Variants in APBB1IP observed in about 807,000 individuals in gnomAD.
The protein encoded by APBB1IP is amyloid beta precursor protein binding family B member 1 interacting protein.
Under a neutral mutation model 64.9 loss-of-function variants are expected in APBB1IP, and 27 were observed. The observed-to-expected ratio is 0.42, with a 90% CI of 0.31 to 0.57. The LOEUF is 0.57. Among genes scored for constraint, APBB1IP ranks in the 20% least tolerant of loss-of-function variants. The pLI is 0.20. For missense variants in APBB1IP, 812 were observed against 845.5 expected (o/e 0.96, Z 0.49); for synonymous variants, 392 against 331.0 (o/e 1.18, Z -2.00).
intron 2 of APBB1IP, among the ~76,000 whole-genome samples, chr10:26,482,177 T>A (rs1835843014): frequency 6.6e-6 from 1 of 152,166 alleles, no homozygotes; most frequent in Non-Finnish European, 1.5e-5. Context: ...CCTATTAAGA[T>A]TTTCACCGAT....
At chr10:26,474,270 G>A (rs1835752238) in intron 2 of APBB1IP, among the ~76,000 whole-genome samples, 1 of 152,112 alleles carries the variant, frequency 6.6e-6, no homozygotes, top group East Asian at 1.9e-4. Context: ...CTCTGCCTAG[G>A]GCTGATGCCC....
At chr10:26,494,160 T>C (rs936195166) in intron 3 of APBB1IP, among the ~76,000 whole-genome samples, 6 of 152,208 alleles carry the variant, frequency 3.9e-5, no homozygotes, top group Non-Finnish European at 8.8e-5. Flanking sequence ...AAGAACTCAG[T>C]ACCCTCAAAG....
At chr10:26,471,487 A>G (rs542411183) in intron 2 of APBB1IP, among the ~76,000 whole-genome samples, 2 of 152,198 alleles carry the variant, frequency 1.3e-5, no homozygotes, top group Non-Finnish European at 2.9e-5. Flanking sequence ...ATTTACTAAG[A>G]AATGCAGGAA....
chr10:26,540,722 T>A (rs1258057788), intron 10 of APBB1IP, among the ~76,000 whole-genome samples: 1 of 152,124 alleles, frequency 6.6e-6, no homozygotes, highest in Non-Finnish European at 1.5e-5. Flanking sequence ...TGGAACACAT[T>A]TGTAATTGAA....
intron 6 of APBB1IP, among the ~76,000 whole-genome samples, chr10:26,505,910 C>T (rs1007752319): frequency 1.3e-5 from 2 of 152,126 alleles, no homozygotes; most frequent in African/African-American, 2.4e-5. Flanking sequence ...AGAATGAATC[C>T]TCCCAGTGGC....
At chr10:26,493,704 A>T (rs1442838968) in intron 3 of APBB1IP, among the ~76,000 whole-genome samples, 2 of 152,222 alleles carry the variant, frequency 1.3e-5, no homozygotes, top group South Asian at 2.1e-4. Flanking sequence ...ACATACATCA[A>T]GCTCATAGTA....
At position 26,536,087 on chromosome 10, in the gene APBB1IP, G is replaced by C; in HGVS notation, c.914G>C (p.Gly305Ala). 6.3e-7 allele frequency: 1 copy of C among 1,586,698 alleles called. No individual in the cohort carries two copies. Among genetic ancestry groups the C allele is most frequent in the South Asian group, 1.2e-5 (1 of 85,018 alleles). ...TCTCACTTTCAGGAAAGTTTCTGTG[G>C]AACATCTATCATTGTACCAGAACTG... The part of the protein sequence containing the change: ...KESLLEESFC[G>A]TSIIVPELEG... Residue 305 changes from glycine to alanine, a missense_variant, in exon 10 of 15, where the codon GGA becomes GCA. Transcript: ENST00000376236.
intron 11 of APBB1IP, among the ~76,000 whole-genome samples, chr10:26,559,759 C>T (rs1456069519): frequency 6.6e-6 from 1 of 151,720 alleles, no homozygotes; most frequent in East Asian, 1.9e-4. Flanking sequence ...GCTGGGACTA[C>T]AGGCACCCGC....
At chr10:26,534,508 C>A (rs1186964601) in intron 9 of APBB1IP, among the ~76,000 whole-genome samples, 1 of 152,082 alleles carries the variant, frequency 6.6e-6, no homozygotes, top group Non-Finnish European at 1.5e-5. Flanking sequence ...TGGTGATGCC[C>A]TCGGCATCCG....
rs545930592 is a variant in APBB1IP, at chr10:26,535,481, A to G, written c.901-593A>G. On this transcript the variant is annotated intron_variant, in intron 9 of 14. Coordinates refer to ENST00000376236, the MANE Select transcript of APBB1IP (RefSeq NM_019043.4). ...ACAATCCAATTACACTCTTTTAGTT[A>G]TTTTTAAATGTACGATTAAGTTATT... Among the ~76,000 whole-genome samples the G allele has an allele frequency of 2.6e-5, 4 of 152,200 alleles. No homozygotes were observed. In the South Asian group the frequency reaches 8.3e-4, roughly 32 times the overall value.
chr10:26,529,209 A>G (rs1440593539), intron 8 of APBB1IP, among the ~76,000 whole-genome samples: 1 of 152,206 alleles, frequency 6.6e-6, no homozygotes, highest in Non-Finnish European at 1.5e-5. Flanking sequence ...GCAGGATATA[A>G]TGACTAAACG....
chr10:26,561,480 C>G (rs1836972483), intron 13 of APBB1IP, among the ~76,000 whole-genome samples: 1 of 149,920 alleles, frequency 6.7e-6, no homozygotes, highest in African/African-American at 2.5e-5. Flanking sequence ...AAAGCTTTGA[C>G]CACTTCTTTC....
At chr10:26,527,831 T>G (rs1406849108) in intron 8 of APBB1IP, among the ~76,000 whole-genome samples, 1 of 151,930 alleles carries the variant, frequency 6.6e-6, no homozygotes, top group Non-Finnish European at 1.5e-5. Flanking sequence ...TAGCTGAGAT[T>G]ACAGGCATGT....
intron 2 of APBB1IP, among the ~76,000 whole-genome samples, chr10:26,480,072 G>A (rs1334161680): frequency 1.3e-5 from 2 of 152,224 alleles, no homozygotes; most frequent in Non-Finnish European, 2.9e-5. Context: ...GGAGCTGGGG[G>A]TGACATAAGG....
intron 2 of APBB1IP, among the ~76,000 whole-genome samples, chr10:26,470,192 C>T (rs1317625709): frequency 6.6e-6 from 1 of 152,240 alleles, no homozygotes; most frequent in Non-Finnish European, 1.5e-5. Flanking sequence ...CTGCTTTACA[C>T]TTTCAATAAA....
chr10:26,475,876 G>A (rs971526961), intron 2 of APBB1IP, among the ~76,000 whole-genome samples: 1 of 151,904 alleles, frequency 6.6e-6, no homozygotes, highest in African/African-American at 2.4e-5. Context: ...AACCCAGGTC[G>A]AGTCAATTTC....
chr10:26,492,472 G>T (rs768799360), intron 3 of APBB1IP, 74 bp downstream of exon 3: 233 of 1,377,526 alleles, frequency 1.7e-4, no homozygotes, highest in Non-Finnish European at 2.3e-4. Flanking sequence ...ATATGACAAG[G>T]GAGCTGTCTT....
At chr10:26,467,387 C>T (rs549572771) in intron 2 of APBB1IP, among the ~76,000 whole-genome samples, 1 of 152,210 alleles carries the variant, frequency 6.6e-6, no homozygotes, top group South Asian at 2.1e-4. Flanking sequence ...ACCTGTAGAG[C>T]AGTGGTTCTC....
intron 3 of APBB1IP, among the ~76,000 whole-genome samples, chr10:26,492,616 C>A (rs1201092572): frequency 6.6e-6 from 1 of 152,048 alleles, no homozygotes; most frequent in East Asian, 1.9e-4. Context: ...AGCTGGGTGT[C>A]CAGGGGAGGC....
Sources: gnomAD v4.1 joint callset for allele counts (sites outside exome capture counted in the v4.1 genomes callset) on GRCh38, gnomAD v4.1.1 for gene constraint, MANE v1.5 for transcripts, NCBI Gene and HGNC (gene_info 2026-07-23, HGNC 2026-07-21) for gene names.